ZAN: variants seen among roughly 807,000 people sequenced by gnomAD.
ZAN encodes the protein zonadhesin (gene/pseudogene).
Under a neutral mutation model 286.2 loss-of-function variants are expected in ZAN, and 260 were observed. The observed-to-expected ratio is 0.91, with a 90% confidence interval of 0.82 to 1.01. The LOEUF (loss-of-function observed/expected upper bound fraction) is 1.01, where lower values mean the gene tolerates loss of function less well. Among genes scored for constraint, ZAN ranks in the 50% least tolerant of loss-of-function variants. The probability of loss-of-function intolerance (pLI) is 0.00; values close to 1 mark genes in which losing one functional copy is unlikely to be tolerated. For synonymous variants in ZAN, 1,368 were observed against 1,417.5 expected (o/e 0.97, Z 0.79); for missense variants, 3,410 against 3,639.2 (o/e 0.94, Z 1.62).
At chr7:100,751,050 T>A in intron 12 of ZAN, 132 bp from the exon 13 acceptor site, 1 of 1,367,620 alleles carries the variant, frequency 7.3e-7, no homozygotes, top group South Asian at 1.5e-5. Context: ...GGGGCCGGGA[T>A]GGGGCTGGAC....
At chr7:100,773,229 A>G in intron 29 of ZAN, 56 bp from the exon 30 acceptor site, 1 of 1,591,156 alleles carries the variant, frequency 6.3e-7, no homozygotes. Flanking sequence ...TGATGCCCCA[A>G]GGTTTGGGGG....
In ZAN at chr7:100,748,366, T is replaced by C. The variant is rs536671653; in HGVS notation, c.1145T>C (p.Phe382Ser). 1 of 1,614,016 alleles carries C rather than the reference T, an allele frequency of 6.2e-7. No individual in the cohort carries two copies. The highest frequency in any genetic ancestry group is 1.7e-5 in the Admixed American group (1 of 60,014). Residue 382 changes from phenylalanine (F) to serine (S), a missense_variant, in exon 11 of 48, where the codon TTC becomes TCC. This residue lies in a region of ZAN where 872 missense variants were observed against 938.9 expected (regional missense o/e 0.93). Transcript: ENST00000613979. The part of the protein sequence containing the change: ...QCDFEDNAHP[F>S]CDWVQTSGDG... ...GACTTTGAAGACAACGCCCATCCCTTCTGTGACTGGGTCCAGACTTCCGGG... is the reference window on the plus strand; with the variant it reads ...GACTTTGAAGACAACGCCCATCCCTCCTGTGACTGGGTCCAGACTTCCGGG...
Position 100,784,849 on chromosome 7 carries a change from G to A in ZAN, c.6834+15G>A. The A allele has an allele frequency of 6.4e-7, 1 of 1,573,286 alleles. No individual in the cohort carries two copies. The highest frequency in any genetic ancestry group is 8.6e-7 in the Non-Finnish European group (1 of 1,157,546). On this transcript the variant is annotated intron_variant, in intron 36 of 47. Coordinates refer to ENST00000613979, the MANE Select transcript of ZAN (RefSeq NM_003386.3). ...GCTCCATCCCTGTGAGTGGGCATGGGAAATGGGACTGGAGGCAACACAGCT... is the reference window on the plus strand; with the variant it reads ...GCTCCATCCCTGTGAGTGGGCATGGAAAATGGGACTGGAGGCAACACAGCT...
intron 11 of ZAN, among the ~76,000 whole-genome samples, chr7:100,748,877 T>A (rs890363324): frequency 6.9e-4 from 66 of 95,488 alleles, no homozygotes; most frequent in African/African-American, 1.8e-3. Context: ...AAAAAAAAAT[T>A]TTTTTTTAAT....
chr7:100,751,132 G>C (rs756652380), intron 12 of ZAN, 50 bp from the exon 13 acceptor site: 2 of 1,471,018 alleles, frequency 1.4e-6, no homozygotes, highest in Non-Finnish European at 1.8e-6. Context: ...CAGAGTTGCT[G>C]GAGATTCATT....
At chr7:100,772,753 G>A (rs1300479204) in intron 29 of ZAN, among the ~76,000 whole-genome samples, 5 of 150,504 alleles carry the variant, frequency 3.3e-5, no homozygotes, top group African/African-American at 4.9e-5. Context: ...TCTGGGAGGT[G>A]GAGCTTGCAG....
chr7:100,771,907 G>A lies in ZAN; in HGVS notation c.5312G>A (p.Gly1771Asp), dbSNP rs757855253. The A allele has an allele frequency of 6.2e-7, 1 of 1,613,190 alleles. No individual in the cohort carries two copies. Among genetic ancestry groups the A allele is most frequent in the Non-Finnish European group, 8.5e-7 (1 of 1,179,806 alleles). ...TCCAGCTTTGCCAGTTGCGTGCATG[G>A]TCAGTGTGGGACCAAGGGCGACACC... The part of the protein sequence containing the change: ...PQSSFASCVH[G>D]QCGTKGDTTA... Residue 1771 changes from glycine (G) to aspartate (D), a missense_variant, in exon 29 of 48, where the codon GGT (glycine) becomes GAT (aspartate). This residue lies in a region of ZAN where 27 missense variants were observed against 58.7 expected (regional missense o/e 0.46). Transcript: ENST00000613979.
At chr7:100,734,254 G>A in intron 2 of ZAN, 33 bp downstream of exon 2, 1 of 1,359,590 alleles carries the variant, frequency 7.4e-7, no homozygotes, top group Non-Finnish European at 1.0e-6. Context: ...TGATAAACCA[G>A]GGTCAGCTGA....
In ZAN at chr7:100,766,483, A is replaced by G. The variant is rs762065037; in HGVS notation, c.4471-42A>G. On this transcript the variant is annotated intron_variant, in intron 23 of 47. Transcript: ENST00000613979. ...GATCTGGGAAAAAACAAAACAAAGC[A>G]AAAAAAAACACTTTCTCTTCCTTCC... The G allele has an allele frequency of 1.3e-4, 84 of 657,560 alleles. No individual in the cohort carries two copies. In the Middle Eastern group the frequency reaches 1.7e-3, roughly 13 times the overall value. The allele number at this position is 657,560 out of a possible 1,614,324, so 40.7% of individuals were successfully genotyped here.
chr7:100,795,405 A>G (rs1040058266), intron 45 of ZAN, 69 bp downstream of exon 45: 6 of 1,383,414 alleles, frequency 4.3e-6, no homozygotes, highest in Middle Eastern at 2.0e-4. Flanking sequence ...GAATGATTCT[A>G]TATGTATTAT....
chr7:100,776,978 C>T (rs568378267), intron 34 of ZAN, among the ~76,000 whole-genome samples: 17 of 148,402 alleles, frequency 1.1e-4, no homozygotes, highest in African/African-American at 2.5e-4. Flanking sequence ...GTGATCCACC[C>T]GCCTCGGCCT....
chr7:100,766,462 T>TG, intron 23 of ZAN, 63 bp from the exon 24 acceptor site: 2 of 1,503,992 alleles, frequency 1.3e-6, no homozygotes, highest in Non-Finnish European at 1.8e-6. Flanking sequence ...GTGTCAGATC[T>TG]GGGAAAAAAC....
At chr7:100,755,532 C>A in intron 15 of ZAN, 122 bp downstream of exon 15, 2 of 1,137,818 alleles carry the variant, frequency 1.8e-6, no homozygotes, top group Non-Finnish European at 2.5e-6. Context: ...AAGGGGTCAG[C>A]TCAGAAGCAA....
intron 42 of ZAN, among the ~76,000 whole-genome samples, chr7:100,792,994 A>AAAAG (rs544434387): frequency 3.4e-4 from 41 of 120,200 alleles, no homozygotes; most frequent in African/African-American, 9.7e-4. Context: ...AAAAAAAAAA[A>AAAAG]AAAGAAAGAA....
intron 15 of ZAN, among the ~76,000 whole-genome samples, chr7:100,755,818 T>C (rs1374232842): frequency 6.6e-6 from 1 of 152,168 alleles, no homozygotes; most frequent in Admixed American, 6.6e-5. Flanking sequence ...GCAATCCTCC[T>C]GCCTCAGCCT....
In ZAN at chr7:100,779,602, C is replaced by T; in HGVS notation, c.6474C>T (p.Asp2158=). The change falls in exon 35 of 48, where the codon GAC becomes GAT. Residue 2158 remains aspartate, a synonymous_variant. Transcript: ENST00000613979. ...PVWAQCASRI[D]LTPFLVDCAN... The stretch of plus-strand genomic sequence containing the variant: ...GGGCCCAGTGCGCCTCCCGCATAGA[C>T]CTCACGCCCTTCCTGGTGGACTGTG... 6.2e-7 allele frequency: 1 copy of T among 1,607,444 alleles called. No homozygotes were observed. The highest frequency in any genetic ancestry group is 2.2e-5 in the East Asian group (1 of 44,530).
intron 20 of ZAN, among the ~76,000 whole-genome samples, chr7:100,762,985 T>C (rs1317575924): frequency 6.6e-6 from 1 of 151,408 alleles, no homozygotes; most frequent in African/African-American, 2.4e-5. Context: ...TTTTTTTTTT[T>C]TTTTGAGATG....
At position 100,773,961 on chromosome 7, in the gene ZAN, A is replaced by G. The variant is rs17147741; in HGVS notation, c.5779+96A>G. ...CCTGCTGCCTGTAGCACTGGGTTTCAGGTTTTGACTGGTAACTCTGCTGCA... is the reference window on the plus strand; with the variant it reads ...CCTGCTGCCTGTAGCACTGGGTTTCGGGTTTTGACTGGTAACTCTGCTGCA... On this transcript the variant is annotated intron_variant, in intron 31 of 47. Coordinates refer to ENST00000613979, the MANE Select transcript of ZAN (RefSeq NM_003386.3). 0.039 allele frequency: 57,707 copies of G among 1,476,224 alleles called. 9,694 individuals carry two copies. In the East Asian group the frequency reaches 0.56, roughly 14 times the overall value. 91.4% of individuals were successfully genotyped at this position (1,476,224 alleles called of 1,614,324 possible).
rs764022344 is a variant in ZAN at position 100,797,611 on chromosome 7, C to G, written c.8401C>G (p.Leu2801Val). Residue 2801 changes from leucine to valine, a missense_variant, in exon 47 of 48, where the codon CTG becomes GTG. Physicochemically the swap from Leu to Val is conservative, Grantham distance 32 (BLOSUM62 1). Transcript: ENST00000613979. The stretch of plus-strand genomic sequence containing the variant: ...GCAGGAGGGAGACAGACTGGCCAGG[C>G]TGGTGGACACAGGTGAGAACCAACC... The part of the protein sequence containing the change: ...KTQEGDRLAR[L>V]VDTDTVLDCA... The G allele has an allele frequency of 1.7e-5, 28 of 1,613,796 alleles. No homozygotes were observed. The Admixed American group carries it at 3.2e-4, about 18-fold the overall frequency.
Sources: gnomAD v4.1 joint callset for allele counts (sites outside exome capture counted in the v4.1 genomes callset) on GRCh38, gnomAD v4.1.1 for gene constraint, gnomAD v4.1.1 regional missense constraint, MANE v1.5 for transcripts, NCBI Gene and HGNC (gene_info 2026-07-23, HGNC 2026-07-21) for gene names.